The following LCLAT1 variants were observed in gnomAD, a reference collection of about 807,000 sequenced individuals.
LCLAT1 encodes the protein 1-AGP acyltransferase 8.
LCLAT1 carries 11 observed loss-of-function variants against 30.7 expected under a neutral mutation model. That is an observed-to-expected ratio of 0.36 (90% CI 0.23 to 0.59). The LOEUF is 0.59. Ranked by LOEUF, LCLAT1 falls within the 20% of genes least tolerant of loss-of-function variation. LCLAT1 has a pLI of 0.77. For missense variants in LCLAT1, 402 were observed against 458.6 expected (o/e 0.88, Z 1.13); for synonymous variants, 155 against 151.3 (o/e 1.02, Z -0.18).
intron 5 of LCLAT1, among the ~76,000 whole-genome samples, chr2:30,570,263 GTA>G (rs1665724804): frequency 6.6e-6 from 1 of 152,046 alleles, no homozygotes; most frequent in Admixed American, 6.5e-5. Flanking sequence ...TCCTGTATCA[GTA>G]AAAAGAAACA....
intron 1 of LCLAT1, among the ~76,000 whole-genome samples, chr2:30,505,522 A>G (rs1390013106): frequency 6.6e-6 from 1 of 152,142 alleles, no homozygotes. Context: ...TATTTTATGC[A>G]TGTAACATTT....
intron 4 of LCLAT1, among the ~76,000 whole-genome samples, chr2:30,563,410 G>C (rs1665332042): frequency 6.6e-6 from 1 of 152,164 alleles, no homozygotes; most frequent in Non-Finnish European, 1.5e-5. Flanking sequence ...TACTGGGAGG[G>C]GTGATGGTGG....
intron 1 of LCLAT1, among the ~76,000 whole-genome samples, chr2:30,468,608 G>A (rs756185933): frequency 6.6e-6 from 1 of 152,020 alleles, no homozygotes; most frequent in Non-Finnish European, 1.5e-5. Flanking sequence ...GTACATTCAT[G>A]TGTTGTGCCA....
chr2:30,622,507 C>G (rs1174834075), intron 5 of LCLAT1, among the ~76,000 whole-genome samples: 1 of 152,154 alleles, frequency 6.6e-6, no homozygotes, highest in Non-Finnish European at 1.5e-5. Context: ...ACACAAAAAA[C>G]AGCACACTGA....
chr2:30,596,230 G>GTGGT (rs1471258628), intron 5 of LCLAT1, among the ~76,000 whole-genome samples: 1 of 151,860 alleles, frequency 6.6e-6, no homozygotes, highest in African/African-American at 2.4e-5. Flanking sequence ...GCCTTCCACA[G>GTGGT]TGGTTGAACT....
intron 1 of LCLAT1, among the ~76,000 whole-genome samples, chr2:30,511,949 TAGG>T (rs1684960526): frequency 6.6e-6 from 1 of 152,202 alleles, no homozygotes; most frequent in Admixed American, 6.5e-5. Flanking sequence ...TCCTAGGCCT[TAGG>T]AGGATTCTGT....
At chr2:30,569,875 G>C (rs945316970) in intron 5 of LCLAT1, among the ~76,000 whole-genome samples, 2 of 152,126 alleles carry the variant, frequency 1.3e-5, no homozygotes, top group Non-Finnish European at 2.9e-5. Flanking sequence ...TGATTAGTGA[G>C]TGCCCATCTA....
At chr2:30,555,404 C>T (rs554405158) in intron 3 of LCLAT1, among the ~76,000 whole-genome samples, 18 of 152,086 alleles carry the variant, frequency 1.2e-4, no homozygotes, top group South Asian at 4.2e-4. Flanking sequence ...CAAAGAAGCC[C>T]GCAAACTTAT....
intron 1 of LCLAT1, chr2:30,489,253 A>G (rs1683712593): frequency 6.6e-6 from 1 of 152,244 alleles, no homozygotes; most frequent in African/African-American, 2.4e-5. Flanking sequence ...GAGTACAATG[A>G]AAGCATATTT....
At chr2:30,537,531 C>CAT (rs138145400) in intron 3 of LCLAT1, among the ~76,000 whole-genome samples, 1 of 151,676 alleles carries the variant, frequency 6.6e-6, no homozygotes, top group Non-Finnish European at 1.5e-5. Context: ...TACACACACA[C>CAT]ACACACACAC....
At chr2:30,622,978 G>C (rs1668336247) in intron 5 of LCLAT1, among the ~76,000 whole-genome samples, 1 of 150,600 alleles carries the variant, frequency 6.6e-6, no homozygotes, top group Non-Finnish European at 1.5e-5. Flanking sequence ...GCCTGTAAAA[G>C]AATTCAGAAG....
chr2:30,561,559 A>G (rs1221384574), intron 3 of LCLAT1, among the ~76,000 whole-genome samples: 2 of 152,206 alleles, frequency 1.3e-5, no homozygotes, highest in Admixed American at 1.3e-4. Context: ...GATTTGCCCT[A>G]GAGAAAAGGA....
At chr2:30,573,326 T>G (rs1477584007) in intron 5 of LCLAT1, among the ~76,000 whole-genome samples, 1 of 152,202 alleles carries the variant, frequency 6.6e-6, no homozygotes, top group East Asian at 1.9e-4. Flanking sequence ...CAGCTGGACT[T>G]TCTAGCTCTG....
intron 1 of LCLAT1, among the ~76,000 whole-genome samples, chr2:30,467,333 T>C (rs201290903): frequency 4.4e-4 from 63 of 143,896 alleles, no homozygotes; most frequent in South Asian, 1.1e-3. Context: ...TTAATCCAGT[T>C]TATCATTGAT....
At chr2:30,498,936 C>A (rs12476805) in intron 1 of LCLAT1, among the ~76,000 whole-genome samples, 18,249 of 152,186 alleles carry the variant, frequency 0.12, 1,227 homozygotes, top group South Asian at 0.22. Context: ...GTTTGTGACT[C>A]ACTTTAAATG....
chr2:30,558,004 G>A lies in LCLAT1; in HGVS notation c.365-4142G>A, dbSNP rs534910010. 5.3e-5 allele frequency among the ~76,000 whole-genome samples: 8 copies of A among 152,240 alleles called. No homozygotes were observed. In the South Asian group the frequency reaches 8.3e-4, roughly 16 times the overall value. The stretch of plus-strand genomic sequence containing the variant: ...TAATCCATAAAAATTCACTTGAAAT[G>A]TATCAATCATGAACTAGTGAAAGCT... On this transcript the variant is annotated intron_variant, in intron 3 of 5. Transcript: ENST00000379509.
At chr2:30,593,971 A>C (rs1362086295) in intron 5 of LCLAT1, among the ~76,000 whole-genome samples, 1 of 151,552 alleles carries the variant, frequency 6.6e-6, no homozygotes, top group African/African-American at 2.4e-5. Flanking sequence ...AAATTTTATC[A>C]TTCCACTGAC....
chr2:30,601,012 G>A (rs1667157476), intron 5 of LCLAT1, among the ~76,000 whole-genome samples: 1 of 151,902 alleles, frequency 6.6e-6, no homozygotes, highest in African/African-American at 2.4e-5. Context: ...AATCTTAAAT[G>A]CCTGTCTTAT....
At chr2:30,574,071 G>A (rs1299130187) in intron 5 of LCLAT1, among the ~76,000 whole-genome samples, 3 of 151,998 alleles carry the variant, frequency 2.0e-5, no homozygotes, top group Non-Finnish European at 4.4e-5. Context: ...GAACCTGGGA[G>A]GTGGAGGTTG....
Sources: gnomAD v4.1 joint callset for allele counts (sites outside exome capture counted in the v4.1 genomes callset) on GRCh38, gnomAD v4.1.1 for gene constraint, MANE v1.5 for transcripts, NCBI Gene and HGNC (gene_info 2026-07-23, HGNC 2026-07-21) for gene names.